BCL10: variants seen among roughly 807,000 people sequenced by gnomAD.
The protein encoded by BCL10 is B-cell lymphoma/leukemia 10.
Under a neutral mutation model 19.2 loss-of-function variants are expected in BCL10, and 5 were observed. That is an observed-to-expected ratio of 0.26 (90% confidence interval 0.14 to 0.55). BCL10 has a LOEUF of 0.55. Ranked by LOEUF, BCL10 falls within the 20% of genes least tolerant of loss-of-function variation. The pLI, the probability that BCL10 is intolerant of heterozygous loss-of-function variation, is 0.94. For missense variants in BCL10, 201 were observed against 271.9 expected (o/e 0.74, Z 1.83); for synonymous variants, 110 against 98.8 (o/e 1.11, Z -0.67).
intron 1 of BCL10, among the ~76,000 whole-genome samples, chr1:85,272,538 A>T (rs754985625): frequency 2.0e-5 from 3 of 151,520 alleles, no homozygotes; most frequent in Non-Finnish European, 4.4e-5. Flanking sequence ...CACTGTGCCC[A>T]GCAAATTCTA....
In BCL10 at chr1:85,266,548, G is replaced by C. The variant is rs963010837; in HGVS notation, c.*1079C>G. On this transcript the variant is annotated 3_prime_UTR_variant, in exon 3 of 3. Transcript: ENST00000648566. Reference sequence around the variant, plus strand: ...CTGTACATTGGTCCTCATTAAAAGAGAATGAAAAGTACAGAGAAAATATTT... The same window carrying C: ...CTGTACATTGGTCCTCATTAAAAGACAATGAAAAGTACAGAGAAAATATTT... 2 of 183,718 alleles carry C rather than the reference G, an allele frequency of 1.1e-5. No individual in the cohort carries two copies. The highest frequency in any genetic ancestry group is 4.7e-5 in the African/African-American group (2 of 42,538). 11.4% of individuals were successfully genotyped at this position (183,718 alleles called of 1,614,324 possible).
intron 2 of BCL10, among the ~76,000 whole-genome samples, chr1:85,270,115 A>G (rs1660328420): frequency 6.6e-6 from 1 of 152,240 alleles, no homozygotes; most frequent in South Asian, 2.1e-4. Flanking sequence ...CAGGGATTTC[A>G]TAATAGTTTT....
intron 1 of BCL10, among the ~76,000 whole-genome samples, chr1:85,271,111 T>A (rs1226200136): frequency 6.6e-6 from 1 of 152,282 alleles, no homozygotes; most frequent in South Asian, 2.1e-4. Context: ...GATCTCACCT[T>A]CAAACCTAAA....
chr1:85,270,053 G>A (rs2100746728), intron 2 of BCL10, among the ~76,000 whole-genome samples: 1 of 152,282 alleles, frequency 6.6e-6, no homozygotes, highest in East Asian at 1.9e-4. Context: ...GCTTACTCTT[G>A]AATAGATTAA....
At chr1:85,273,264 T>A (rs1274885963) in intron 1 of BCL10, among the ~76,000 whole-genome samples, 1 of 152,142 alleles carries the variant, frequency 6.6e-6, no homozygotes, top group Non-Finnish European at 1.5e-5. Context: ...GACCCCCTTA[T>A]TGCCAAATAT....
At chr1:85,269,393 G>A (rs1660298401) in intron 2 of BCL10, among the ~76,000 whole-genome samples, 1 of 152,194 alleles carries the variant, frequency 6.6e-6, no homozygotes, top group Non-Finnish European at 1.5e-5. Flanking sequence ...GTTAGGCTTA[G>A]CAAATATTCA....
At position 85,267,650 on chromosome 1, in the gene BCL10, A is replaced by C; in HGVS notation, c.679T>G (p.Ser227Ala). 6.2e-7 allele frequency: 1 copy of C among 1,605,712 alleles called. No homozygotes were observed. The highest frequency in any genetic ancestry group is 8.5e-7 in the Non-Finnish European group (1 of 1,177,188). The stretch of plus-strand genomic sequence containing the variant: ...TGTCATTGTCGTGAAACAGTACGTG[A>C]TCTTAAGGGAAGAAACATCTCACTA... Reference protein sequence around the residue: ...NSSEMFLPLRSRTVSRQ With the variant: ...NSSEMFLPLRARTVSRQ Residue 227 changes from serine (S) to alanine (A), a missense_variant, in exon 3 of 3, where the codon TCA (serine) becomes GCA (alanine). Ser to Ala is a moderately conservative substitution (Grantham distance 99). This residue lies in a region of BCL10 where 126 missense variants were observed against 136.6 expected (regional missense o/e 0.92). Coordinates refer to ENST00000648566, the MANE Select transcript of BCL10 (RefSeq NM_003921.5).
chr1:85,270,963 C>T lies in BCL10; in HGVS notation c.58-57G>A, dbSNP rs565222797. The stretch of plus-strand genomic sequence containing the variant: ...TTTTAACATCTAAGAAAATCACATA[C>T]GTGACTATTAGTTGGCAGTCTTAGC... On this transcript the variant is annotated intron_variant, in intron 1 of 2. Coordinates refer to ENST00000648566, the MANE Select transcript of BCL10 (RefSeq NM_003921.5). 9.9e-5 allele frequency: 151 copies of T among 1,523,442 alleles called. No individual in the cohort carries two copies. In the African/African-American group the frequency reaches 1.3e-3, roughly 13 times the overall value. The allele number at this position is 1,523,442 out of a possible 1,614,324, so 94.4% of individuals were successfully genotyped here.
At position 85,270,736 on chromosome 1, in the gene BCL10, T is replaced by C. The variant is rs980956314; in HGVS notation, c.228A>G (p.Pro76=). 1 of 1,614,156 alleles carries C rather than the reference T, an allele frequency of 6.2e-7. No individual in the cohort carries two copies. Among genetic ancestry groups the C allele is most frequent in the Non-Finnish European group, 8.5e-7 (1 of 1,180,022 alleles). Reference sequence around the variant, plus strand: ...ATTCAACAAGGGTGTCCAGACCTTTTGGGTTTTCCTGTAAGTAGTCTAACA... The same window carrying C: ...ATTCAACAAGGGTGTCCAGACCTTTCGGGTTTTCCTGTAAGTAGTCTAACA... The part of the protein sequence containing the change: ...GKLLDYLQEN[P]KGLDTLVESI... The change falls in exon 2 of 3, where the codon CCA becomes CCG. Residue 76 remains proline, a synonymous_variant. Transcript: ENST00000648566.
At chr1:85,276,106 C>T (rs1433811627) in intron 1 of BCL10, among the ~76,000 whole-genome samples, 190 bp downstream of exon 1, 1 of 152,244 alleles carries the variant, frequency 6.6e-6, no homozygotes, top group Non-Finnish European at 1.5e-5. Flanking sequence ...CCTGGATTGA[C>T]AGATCACTGG....
In BCL10 at chr1:85,267,412, G is replaced by C. The variant is rs1660229372; in HGVS notation, c.*215C>G. ...TGAAAGACCTTAAAAAGGAAAAAAAGAAATTACTAAAAAGTACATGATCAA... is the reference window on the plus strand; with the variant it reads ...TGAAAGACCTTAAAAAGGAAAAAAACAAATTACTAAAAAGTACATGATCAA... On this transcript the variant is annotated 3_prime_UTR_variant, in exon 3 of 3. Transcript: ENST00000648566. 1 of 447,130 alleles carries C rather than the reference G, an allele frequency of 2.2e-6. No homozygotes were observed. The allele number at this position is 447,130 out of a possible 1,614,324, so 27.7% of individuals were successfully genotyped here. A position where few individuals can be genotyped will look rare whatever the true frequency, so the allele number is the denominator to read the frequency against.
rs1303083378 is a variant in BCL10 at position 85,276,379 on chromosome 1, C to T, written c.-27G>A. 1 of 1,613,296 alleles carries T rather than the reference C, an allele frequency of 6.2e-7. No homozygotes were observed. Among genetic ancestry groups the T allele is most frequent in the East Asian group, 2.2e-5 (1 of 44,858 alleles). Reference sequence around the variant, plus strand: ...GTGGAGGCGGGAGATGGCGCTTCTTCCGGGTCCGGGAGCTCGGGCTGCGCC... The same window carrying T: ...GTGGAGGCGGGAGATGGCGCTTCTTTCGGGTCCGGGAGCTCGGGCTGCGCC... On this transcript the variant is annotated 5_prime_UTR_variant, in exon 1 of 3. Transcript: ENST00000648566.
chr1:85,268,352 A>T (rs1660261030), intron 2 of BCL10, among the ~76,000 whole-genome samples: 1 of 152,260 alleles, frequency 6.6e-6, no homozygotes, highest in Non-Finnish European at 1.5e-5. Flanking sequence ...TAATAAAAAA[A>T]TGTAAACGGC....
At chr1:85,274,669 A>G (rs1176791917) in intron 1 of BCL10, among the ~76,000 whole-genome samples, 3 of 152,236 alleles carry the variant, frequency 2.0e-5, no homozygotes, top group Non-Finnish European at 4.4e-5. Context: ...TCTGTAGGAT[A>G]TAAAAGTAGA....
chr1:85,270,560 C>G (rs1465302440), intron 2 of BCL10, 58 bp downstream of exon 2: 1 of 1,508,568 alleles, frequency 6.6e-7, no homozygotes, highest in African/African-American at 1.4e-5. Flanking sequence ...GCCTGCTCTG[C>G]ATTTTTTAAA....
intron 1 of BCL10, among the ~76,000 whole-genome samples, chr1:85,275,949 T>A (rs1660513560): frequency 6.6e-6 from 1 of 152,154 alleles, no homozygotes; most frequent in African/African-American, 2.4e-5. Context: ...CAGCCTGACT[T>A]AAGGATGAAT....
At chr1:85,274,322 C>T (rs754410070) in intron 1 of BCL10, among the ~76,000 whole-genome samples, 1 of 152,196 alleles carries the variant, frequency 6.6e-6, no homozygotes, top group Non-Finnish European at 1.5e-5. Flanking sequence ...ATGCAAAACT[C>T]ACTGCACTTA....
chr1:85,274,495 T>C (rs1006880357), intron 1 of BCL10, among the ~76,000 whole-genome samples: 4 of 152,032 alleles, frequency 2.6e-5, no homozygotes, highest in African/African-American at 9.7e-5. Flanking sequence ...ACTAACACAA[T>C]GAGGCAAATA....
rs1570341995 is a variant in BCL10, at chr1:85,276,621, C to G, written c.-269G>C. 9 of 553,944 alleles carry G rather than the reference C, an allele frequency of 1.6e-5. No individual in the cohort carries two copies. In the East Asian group the frequency reaches 2.8e-4, roughly 17 times the overall value. The allele number at this position is 553,944 out of a possible 1,614,324, so 34.3% of individuals were successfully genotyped here. On this transcript the variant is annotated 5_prime_UTR_variant, in exon 1 of 3. Transcript: ENST00000648566. Reference sequence around the variant, plus strand: ...GCGTTCCTTCCCTCTCGTAGAGGCTCAGGCGCAGGCACCGCCCCACGGCGA... The same window carrying G: ...GCGTTCCTTCCCTCTCGTAGAGGCTGAGGCGCAGGCACCGCCCCACGGCGA...
Sources: allele counts gnomAD v4.1 joint callset (sites outside exome capture counted in the v4.1 genomes callset), GRCh38; gene constraint gnomAD v4.1.1; regional missense constraint gnomAD v4.1.1; transcripts MANE v1.5; gene names NCBI Gene and HGNC (gene_info 2026-07-23, HGNC 2026-07-21).